Variants in NRXN3 observed in about 807,000 individuals in gnomAD.
NRXN3 encodes the protein neurexin III.
NRXN3 carries 32 observed loss-of-function variants against 137.6 expected under a neutral mutation model. That is an observed-to-expected ratio of 0.23 (90% CI 0.18 to 0.31). NRXN3 has a LOEUF of 0.31. NRXN3 is among the 10% of genes least tolerant of loss of function. The pLI is 1.00. For missense variants in NRXN3, 1,574 were observed against 2,062.5 expected (o/e 0.76, Z 4.59); for synonymous variants, 798 against 784.5 (o/e 1.02, Z -0.29).
chr14:79,365,732 AAAAAAAAAAAAAG>A lies in NRXN3; in HGVS notation c.3263-101480_3263-101468del, dbSNP rs992123109. On this transcript the variant is annotated intron_variant, in intron 15 of 20. Transcript: ENST00000335750. ...CAGAGCGAGACTCTGTCTCAAAAAA[AAAAAAAAAAAAAG>A]AAAAAAAAGAAGAGTTTTATTAAAC... 4.8e-5 allele frequency among the ~76,000 whole-genome samples: 7 copies of A among 145,252 alleles called. No homozygotes were observed. The South Asian group carries it at 8.8e-4, about 18-fold the overall frequency.
intron 4 of NRXN3, among the ~76,000 whole-genome samples, chr14:78,366,445 A>G (rs2085950398): frequency 6.6e-6 from 1 of 152,232 alleles, no homozygotes; most frequent in Admixed American, 6.5e-5. Context: ...TGCTGAAAAT[A>G]TTAGAACTTA....
chr14:78,543,823 G>A (rs2096613810), intron 4 of NRXN3, among the ~76,000 whole-genome samples: 1 of 152,090 alleles, frequency 6.6e-6, no homozygotes, highest in African/African-American at 2.4e-5. Flanking sequence ...CTTGAGTGCA[G>A]GTAGCCTCTT....
At chr14:79,318,048 T>C (rs2089231237) in intron 15 of NRXN3, among the ~76,000 whole-genome samples, 2 of 152,126 alleles carry the variant, frequency 1.3e-5, no homozygotes, top group Admixed American at 6.5e-5. Context: ...AATGAGATTA[T>C]TTAGGCAAAA....
At chr14:78,682,311 T>A (rs1041777774) in intron 6 of NRXN3, among the ~76,000 whole-genome samples, 1 of 152,056 alleles carries the variant, frequency 6.6e-6, no homozygotes, top group Non-Finnish European at 1.5e-5. Context: ...GGATTAAGAC[T>A]GTCAGCATCA....
chr14:78,216,701 T>A lies in NRXN3; in HGVS notation c.-703-25690T>A, dbSNP rs550987788. 1.5e-4 allele frequency among the ~76,000 whole-genome samples: 23 copies of A among 152,326 alleles called. No homozygotes were observed. In the South Asian group the frequency reaches 4.8e-3, roughly 32 times the overall value. On this transcript the variant is annotated intron_variant, in intron 1 of 20. Transcript: ENST00000335750. ...ACAAAGTACCAGCAACTGGGTGGCT[T>A]AAGACAACAAAAATTTATTAGCTCA...
chr14:79,456,427 T>G (rs1277285456), intron 15 of NRXN3, among the ~76,000 whole-genome samples: 1 of 152,106 alleles, frequency 6.6e-6, no homozygotes, highest in African/African-American at 2.4e-5. Context: ...TATTAAAAGT[T>G]GTGTATAAGA....
chr14:79,291,283 C>T (rs2083152396), intron 15 of NRXN3, among the ~76,000 whole-genome samples: 1 of 152,088 alleles, frequency 6.6e-6, no homozygotes, highest in Non-Finnish European at 1.5e-5. Flanking sequence ...TTTTATTATG[C>T]CTAACATTTT....
intron 19 of NRXN3, among the ~76,000 whole-genome samples, chr14:79,801,586 C>T (rs998996808): frequency 3.3e-5 from 5 of 151,804 alleles, no homozygotes; most frequent in African/African-American, 4.9e-5. Flanking sequence ...TCTGAATCTA[C>T]GTAGAGGAGT....
intron 3 of NRXN3, chr14:78,282,193 T>A: frequency 2.1e-6 from 1 of 486,524 alleles, no homozygotes; most frequent in Non-Finnish European, 4.1e-6. Flanking sequence ...TTGTCACTGG[T>A]CTTCCTGGGC....
intron 1 of NRXN3, among the ~76,000 whole-genome samples, chr14:78,238,444 C>T (rs987738188): frequency 6.6e-6 from 1 of 152,174 alleles, no homozygotes; most frequent in African/African-American, 2.4e-5. Context: ...AGAGGGCTCC[C>T]TGGCTCCCGT....
intron 16 of NRXN3, among the ~76,000 whole-genome samples, chr14:79,520,546 T>C (rs573004032): frequency 6.6e-6 from 1 of 152,186 alleles, no homozygotes; most frequent in Non-Finnish European, 1.5e-5. Context: ...CAGTGTTTAG[T>C]TTCTGTTCCT....
intron 15 of NRXN3, among the ~76,000 whole-genome samples, chr14:79,394,036 G>A (rs913597145): frequency 2.6e-5 from 4 of 152,142 alleles, no homozygotes; most frequent in African/African-American, 9.7e-5. Flanking sequence ...TCAAATCAAT[G>A]TCTAGTTTGG....
rs138323090 is a variant in NRXN3 at position 79,635,239 on chromosome 14, G to A, written c.3445-28539G>A. 7.2e-5 allele frequency among the ~76,000 whole-genome samples: 11 copies of A among 152,214 alleles called. No homozygotes were observed. The East Asian group carries it at 1.5e-3, about 21-fold the overall frequency. On this transcript the variant is annotated intron_variant, in intron 16 of 20. Transcript: ENST00000335750. ...TTAAAAACAAAATAAAACATAAACAGGAGAGAAACATGAGCTAAAAAGAAA... is the reference window on the plus strand; with the variant it reads ...TTAAAAACAAAATAAAACATAAACAAGAGAGAAACATGAGCTAAAAAGAAA...
chr14:79,329,095 G>A (rs1295954163), intron 15 of NRXN3, among the ~76,000 whole-genome samples: 2 of 152,112 alleles, frequency 1.3e-5, no homozygotes, highest in South Asian at 4.1e-4. Flanking sequence ...AGCAAGTTTT[G>A]GTTCCAATGG....
chr14:78,187,151 C>T (rs1302309629), intron 1 of NRXN3, among the ~76,000 whole-genome samples: 3 of 152,138 alleles, frequency 2.0e-5, no homozygotes, highest in African/African-American at 7.2e-5. Context: ...GTATTAGTGT[C>T]TTCACTTTAC....
chr14:79,132,760 GT>G (rs776321503), intron 15 of NRXN3, among the ~76,000 whole-genome samples: 44 of 152,200 alleles, frequency 2.9e-4, no homozygotes, highest in Non-Finnish European at 4.8e-4. Flanking sequence ...CTGAGATTGA[GT>G]TTAGCATGCC....
chr14:79,134,772 T>G (rs2058045595), intron 15 of NRXN3, among the ~76,000 whole-genome samples: 1 of 152,234 alleles, frequency 6.6e-6, no homozygotes, highest in Admixed American at 6.5e-5. Context: ...AGAGGTTTGT[T>G]GTCTTGCTTC....
chr14:78,678,435 C>T (rs1191715878), intron 6 of NRXN3, among the ~76,000 whole-genome samples: 8 of 151,928 alleles, frequency 5.3e-5, no homozygotes, highest in African/African-American at 1.2e-4. Context: ...AATTATCTCC[C>T]ACCACACCCA....
intron 4 of NRXN3, among the ~76,000 whole-genome samples, chr14:78,353,129 G>C (rs545474690): frequency 3.3e-5 from 5 of 152,274 alleles, no homozygotes; most frequent in African/African-American, 9.6e-5. Flanking sequence ...TATAGATGAG[G>C]AAACCGGACT....
Sources: gnomAD v4.1 joint callset for allele counts (sites outside exome capture counted in the v4.1 genomes callset) on GRCh38, gnomAD v4.1.1 for gene constraint, MANE v1.5 for transcripts, NCBI Gene and HGNC (gene_info 2026-07-23, HGNC 2026-07-21) for gene names.